Variants in IMMP2L observed in about 807,000 individuals in gnomAD.
IMMP2L encodes inner mitochondrial membrane peptidase subunit 2.
A neutral mutation model predicts 19.3 loss-of-function variants in IMMP2L; 18 were observed. The ratio of observed to expected loss-of-function variants is 0.93; its 90% confidence interval spans 0.64 to 1.38. IMMP2L has a LOEUF of 1.38. IMMP2L is among the 40% of genes most tolerant of loss of function. The probability of loss-of-function intolerance (pLI) is 0.00; values close to 1 mark genes in which losing one functional copy is unlikely to be tolerated. For synonymous variants in IMMP2L, 76 were observed against 73.0 expected, an observed-to-expected ratio of 1.04 and a Z score of -0.21; for missense variants, 233 against 218.2, an observed-to-expected ratio of 1.07 and a Z score of -0.43.
chr7:111,048,238 C>CAAAAA lies in IMMP2L; in HGVS notation c.240-84678_240-84674dup, dbSNP rs575701337. The stretch of plus-strand genomic sequence containing the variant: ...TGGGCGACAGAGCGAGACTCTGTCT[C>CAAAAA]AAAAAAAAAAAAAAAAAAAAAAAAA... On this transcript the variant is annotated intron_variant, in intron 3 of 5. Transcript: ENST00000405709. Among the ~76,000 whole-genome samples the CAAAAA allele has an allele frequency of 2.5e-3, 46 of 18,334 alleles. 1 individual carries two copies. In the East Asian group the frequency reaches 0.053, roughly 21 times the overall value. The allele number at this position is 18,334 out of a possible 152,430, so 12.0% of individuals were successfully genotyped here.
intron 5 of IMMP2L, among the ~76,000 whole-genome samples, chr7:110,705,064 T>C (rs185743343): frequency 1.6e-4 from 24 of 152,142 alleles, no homozygotes; most frequent in Admixed American, 1.4e-3. Flanking sequence ...GAAATAATCA[T>C]AGAAAATTAA....
chr7:110,944,238 A>G (rs143617032), intron 4 of IMMP2L, among the ~76,000 whole-genome samples: 159 of 152,040 alleles, frequency 1.0e-3, no homozygotes, highest in African/African-American at 3.6e-3. Context: ...ACTCGTTCTA[A>G]TATAATCAGA....
intron 3 of IMMP2L, among the ~76,000 whole-genome samples, chr7:111,113,916 G>A (rs1199595091): frequency 6.6e-6 from 1 of 152,056 alleles, no homozygotes; most frequent in Non-Finnish European, 1.5e-5. Flanking sequence ...CAAAACTTAC[G>A]AGAGAATAAG....
chr7:111,065,910 G>GTGTGTGCGCGCGCGTGTA (rs1794448533), intron 3 of IMMP2L, among the ~76,000 whole-genome samples: 2 of 150,920 alleles, frequency 1.3e-5, no homozygotes, highest in African/African-American at 4.9e-5. Context: ...ATGTGTGTGT[G>GTGTGTGCGCGCGCGTGTA]TGTGCGCGCG....
chr7:111,410,287 A>G (rs1834284595), intron 3 of IMMP2L, among the ~76,000 whole-genome samples: 1 of 151,764 alleles, frequency 6.6e-6, no homozygotes, highest in East Asian at 1.9e-4. Context: ...ATTACCCTAG[A>G]TCATCCTTGA....
chr7:111,141,681 G>A (rs1386279077), intron 3 of IMMP2L, among the ~76,000 whole-genome samples: 3 of 152,102 alleles, frequency 2.0e-5, no homozygotes, highest in Non-Finnish European at 4.4e-5. Flanking sequence ...GAGGACAGAT[G>A]AACACACGTG....
chr7:111,502,721 C>G (rs1325696609), intron 2 of IMMP2L, among the ~76,000 whole-genome samples: 2 of 151,372 alleles, frequency 1.3e-5, no homozygotes, highest in African/African-American at 4.9e-5. Flanking sequence ...TGAATGACTA[C>G]TGGGTACATA....
intron 3 of IMMP2L, among the ~76,000 whole-genome samples, chr7:111,293,849 G>A (rs1052925034): frequency 6.6e-6 from 1 of 151,884 alleles, no homozygotes; most frequent in Non-Finnish European, 1.5e-5. Flanking sequence ...ACTGTTCAGT[G>A]TAACAAATTA....
chr7:110,964,481 A>G (rs562672438), intron 3 of IMMP2L, among the ~76,000 whole-genome samples: 2 of 152,204 alleles, frequency 1.3e-5, no homozygotes, highest in Admixed American at 1.3e-4. Flanking sequence ...GCGCTAAAAC[A>G]GGGCTACTGA....
At chr7:110,937,038 C>T (rs1816194223) in intron 4 of IMMP2L, among the ~76,000 whole-genome samples, 1 of 152,074 alleles carries the variant, frequency 6.6e-6, no homozygotes, top group African/African-American at 2.4e-5. Context: ...GAACATCACA[C>T]ACCAGGGCCG....
intron 5 of IMMP2L, among the ~76,000 whole-genome samples, chr7:110,666,880 C>T (rs1188836215): frequency 1.3e-5 from 2 of 152,106 alleles, no homozygotes; most frequent in East Asian, 1.9e-4. Context: ...TTATTTTAGT[C>T]CTTAAAATAT....
intron 3 of IMMP2L, among the ~76,000 whole-genome samples, chr7:111,128,259 C>T (rs1465936008): frequency 1.3e-5 from 2 of 152,120 alleles, no homozygotes; most frequent in Admixed American, 6.5e-5. Context: ...CCATCTAAAA[C>T]TTATATTCTA....
At chr7:111,082,882 T>C (rs1796002875) in intron 3 of IMMP2L, among the ~76,000 whole-genome samples, 1 of 147,882 alleles carries the variant, frequency 6.8e-6, no homozygotes, top group Non-Finnish European at 1.5e-5. Context: ...AAATGACACG[T>C]GTTGCTCTTT....
At chr7:110,967,929 T>A (rs1021937092) in intron 3 of IMMP2L, among the ~76,000 whole-genome samples, 1 of 152,102 alleles carries the variant, frequency 6.6e-6, no homozygotes, top group Non-Finnish European at 1.5e-5. Flanking sequence ...GAGTTTAGCA[T>A]GGTTTTCACA....
At chr7:111,253,676 T>C (rs530955436) in intron 3 of IMMP2L, among the ~76,000 whole-genome samples, 7 of 152,238 alleles carry the variant, frequency 4.6e-5, no homozygotes, top group South Asian at 2.1e-4. Flanking sequence ...TGCAAACTAA[T>C]TGAGGTCAAG....
Position 111,122,568 on chromosome 7 carries a change from T to C in IMMP2L, c.240-159003A>G, listed in dbSNP as rs1363250784. The C allele has an allele frequency of 2.2e-5, 12 of 552,804 alleles. No homozygotes were observed. The Admixed American group carries it at 3.1e-4, about 14-fold the overall frequency. 34.2% of individuals were successfully genotyped at this position (552,804 alleles called of 1,614,324 possible). On this transcript the variant is annotated intron_variant, in intron 3 of 5. Transcript: ENST00000405709. ...TATATCATTAAGGAAATAGTAACCT[T>C]CTCTTCTCCAATATGCATGACATTT...
chr7:111,262,771 G>A (rs1430212678), intron 3 of IMMP2L, among the ~76,000 whole-genome samples: 3 of 152,102 alleles, frequency 2.0e-5, no homozygotes, highest in Non-Finnish European at 2.9e-5. Flanking sequence ...ACATCATATG[G>A]AGACTTCATC....
chr7:110,858,996 C>G (rs1807102775), intron 5 of IMMP2L, among the ~76,000 whole-genome samples: 2 of 152,172 alleles, frequency 1.3e-5, no homozygotes, highest in African/African-American at 4.8e-5. Flanking sequence ...TCATGTCTTT[C>G]TGAAATTACT....
intron 3 of IMMP2L, among the ~76,000 whole-genome samples, chr7:111,169,936 T>C (rs1214675567): frequency 6.6e-6 from 1 of 151,926 alleles, no homozygotes; most frequent in Non-Finnish European, 1.5e-5. Context: ...TATTTGGTTA[T>C]TTAACTTCCT....
Sources: allele counts gnomAD v4.1 joint callset (sites outside exome capture counted in the v4.1 genomes callset), GRCh38; gene constraint gnomAD v4.1.1; transcripts MANE v1.5; gene names NCBI Gene and HGNC (gene_info 2026-07-23, HGNC 2026-07-21).